NBEAL1: variants seen among roughly 807,000 people sequenced by gnomAD.
NBEAL1 encodes neurobeachin-like protein 1.
A neutral mutation model predicts 351.3 loss-of-function variants in NBEAL1; 273 were observed. That is an observed-to-expected ratio of 0.78 (90% CI 0.70 to 0.86). NBEAL1 has a LOEUF of 0.86. NBEAL1 is among the 40% of genes least tolerant of loss of function. The pLI is 0.00. For missense variants in NBEAL1, 2,961 were observed against 3,201.3 expected, an observed-to-expected ratio of 0.92 and a Z score of 1.81; for synonymous variants, 1,050 against 1,086.4, an observed-to-expected ratio of 0.97 and a Z score of 0.66.
At chr2:203,126,759 A>G in intron 22 of NBEAL1, 43 bp downstream of exon 22, 1 of 1,519,550 alleles carries the variant, frequency 6.6e-7, no homozygotes, top group Non-Finnish European at 8.8e-7. Context: ...GTTGTTTTAG[A>G]AATTTATAAC....
intron 2 of NBEAL1, among the ~76,000 whole-genome samples, chr2:203,031,617 A>T (rs1012125701): frequency 6.6e-6 from 1 of 152,344 alleles, no homozygotes; most frequent in Admixed American, 6.5e-5. Context: ...AAGATGTCAA[A>T]TGTTAAGAAT....
At chr2:203,175,483 G>A (rs7600392) in intron 42 of NBEAL1, among the ~76,000 whole-genome samples, 196 bp downstream of exon 42, 89,578 of 151,908 alleles carry the variant, frequency 0.59, 27,633 homozygotes, top group Middle Eastern at 0.79. Context: ...TCCTTTTTCA[G>A]TGTTATCCCA....
At position 203,217,775 on chromosome 2, in the gene NBEAL1, A is replaced by G. The variant is rs574393763; in HGVS notation, c.*421A>G. On this transcript the variant is annotated 3_prime_UTR_variant, in exon 56 of 56. Coordinates refer to ENST00000683969, the MANE Select transcript of NBEAL1 (RefSeq NM_001378026.1). ...GTAATGAAAATATATCAATTTATTT[A>G]TGGAACTCCTGATTGGGGATAATAT... is the stretch of plus-strand genomic sequence containing the variant. The G allele has an allele frequency of 1.0e-5, 10 of 978,830 alleles. No individual in the cohort carries two copies. Among genetic ancestry groups the G allele is most frequent in the South Asian group, 4.7e-5 (1 of 21,170 alleles). 60.6% of individuals were successfully genotyped at this position (978,830 alleles called of 1,614,324 possible). A position where few individuals can be genotyped will look rare whatever the true frequency, so the allele number is the denominator to read the frequency against.
At chr2:203,151,925 T>G (rs1347747957) in intron 35 of NBEAL1, among the ~76,000 whole-genome samples, 1 of 152,128 alleles carries the variant, frequency 6.6e-6, no homozygotes, top group Non-Finnish European at 1.5e-5. Context: ...AATACTAATG[T>G]TAGATAGAAT....
At chr2:203,050,113 G>A in intron 4 of NBEAL1, 138 bp downstream of exon 4, 3 of 705,536 alleles carry the variant, frequency 4.3e-6, no homozygotes, top group Non-Finnish European at 6.9e-6. Context: ...AACATTAGGA[G>A]AAATACCTAA....
chr2:203,059,547 T>C (rs1382075845), intron 6 of NBEAL1, among the ~76,000 whole-genome samples: 1 of 152,236 alleles, frequency 6.6e-6, no homozygotes, highest in African/African-American at 2.4e-5. Flanking sequence ...TCATGCTACA[T>C]GACACATGTC....
intron 31 of NBEAL1, among the ~76,000 whole-genome samples, chr2:203,139,987 A>AC (rs2063325934): frequency 6.6e-6 from 1 of 152,154 alleles, no homozygotes; most frequent in South Asian, 2.1e-4. Context: ...TGTAAAAGTA[A>AC]CACATACTCA....
chr2:203,055,704 T>G (rs1236252653), intron 4 of NBEAL1, among the ~76,000 whole-genome samples: 1 of 152,212 alleles, frequency 6.6e-6, no homozygotes, highest in Non-Finnish European at 1.5e-5. Flanking sequence ...TCACAATATC[T>G]CATAACAAAA....
At chr2:203,093,937 A>G (rs1023530050) in intron 10 of NBEAL1, among the ~76,000 whole-genome samples, 1 of 149,912 alleles carries the variant, frequency 6.7e-6, no homozygotes, top group South Asian at 2.1e-4. Flanking sequence ...TATTTCTGGA[A>G]TTTTTTTTTT....
At chr2:203,108,467 C>T (rs561374774) in intron 14 of NBEAL1, among the ~76,000 whole-genome samples, 23 of 151,708 alleles carry the variant, frequency 1.5e-4, no homozygotes, top group Admixed American at 1.1e-3. Flanking sequence ...GGCGTGATCT[C>T]GGCTCACTGC....
At position 203,024,861 on chromosome 2, in the gene NBEAL1, G is replaced by GAAAT. The variant is rs201033250; in HGVS notation, c.51+8444_51+8447dup. 1.0e-3 allele frequency among the ~76,000 whole-genome samples: 152 copies of GAAAT among 152,102 alleles called. 1 individual carries two copies. The highest frequency in any genetic ancestry group is 3.0e-3 in the African/African-American group (126 of 41,506). On this transcript the variant is annotated intron_variant, in intron 2 of 55. Transcript: ENST00000683969. ...TGGGCAACAGAGCGAGACTCTGTCT[G>GAAAT]AAATAAATAAATAAATAAATACATA... is the stretch of plus-strand genomic sequence containing the variant.
At chr2:203,194,069 A>G (rs2065171102) in intron 47 of NBEAL1, among the ~76,000 whole-genome samples, 158 bp downstream of exon 47, 1 of 152,198 alleles carries the variant, frequency 6.6e-6, no homozygotes, top group South Asian at 2.1e-4. Context: ...AAACATTTTT[A>G]TTGGAAGCTT....
chr2:203,041,663 A>AT, intron 2 of NBEAL1, 102 bp from the exon 3 acceptor site: 1 of 724,916 alleles, frequency 1.4e-6, no homozygotes, highest in Non-Finnish European at 2.3e-6. Flanking sequence ...TCACTTGGAG[A>AT]TTTCATAGTA....
chr2:203,129,373 A>G (rs958530870), intron 24 of NBEAL1, among the ~76,000 whole-genome samples: 1 of 152,144 alleles, frequency 6.6e-6, no homozygotes, highest in Admixed American at 6.6e-5. Flanking sequence ...TTTGCCCTCT[A>G]TATATAATAT....
chr2:203,156,802 A>G (rs532349120), intron 35 of NBEAL1, among the ~76,000 whole-genome samples: 32 of 152,276 alleles, frequency 2.1e-4, no homozygotes, highest in African/African-American at 7.5e-4. Context: ...TATATTGTGT[A>G]TGAATTATTT....
At chr2:203,026,528 A>G (rs1481642226) in intron 2 of NBEAL1, among the ~76,000 whole-genome samples, 1 of 147,798 alleles carries the variant, frequency 6.8e-6, no homozygotes, top group Non-Finnish European at 1.5e-5. Context: ...TTTTTGAGAC[A>G]GTCTTTGTCT....
At chr2:203,033,517 T>G (rs2060987063) in intron 2 of NBEAL1, among the ~76,000 whole-genome samples, 1 of 152,178 alleles carries the variant, frequency 6.6e-6, no homozygotes, top group African/African-American at 2.4e-5. Flanking sequence ...GGATTGAGAA[T>G]AATAAATAGC....
chr2:203,131,627 C>T (rs1370076052), intron 25 of NBEAL1, among the ~76,000 whole-genome samples: 1 of 151,988 alleles, frequency 6.6e-6, no homozygotes, highest in Non-Finnish European at 1.5e-5. Context: ...ATTTATATCC[C>T]ACTGCTCAAG....
At chr2:203,130,231 A>T in intron 24 of NBEAL1, 87 bp from the exon 25 acceptor site, 2 of 1,228,382 alleles carry the variant, frequency 1.6e-6, no homozygotes, top group Non-Finnish European at 1.1e-6. Flanking sequence ...TATAGGATTT[A>T]ATTAAATAAC....
Sources: allele counts gnomAD v4.1 joint callset (sites outside exome capture counted in the v4.1 genomes callset), GRCh38; gene constraint gnomAD v4.1.1; transcripts MANE v1.5; gene names NCBI Gene and HGNC (gene_info 2026-07-23, HGNC 2026-07-21).